The following PRKCB variants were observed in gnomAD, a reference collection of about 807,000 sequenced individuals.
PRKCB encodes the protein protein kinase C beta, also known as protein kinase C beta type.
A neutral mutation model predicts 81.5 loss-of-function variants in PRKCB; 13 were observed. That is an observed-to-expected ratio of 0.16 (90% CI 0.10 to 0.25). PRKCB has a LOEUF of 0.25. Ranked by LOEUF, PRKCB falls within the 10% of genes least tolerant of loss-of-function variation. The pLI is 1.00. For missense variants in PRKCB, 509 were observed against 875.7 expected (o/e 0.58, Z 5.29); for synonymous variants, 335 against 321.4 (o/e 1.04, Z -0.45).
intron 2 of PRKCB, among the ~76,000 whole-genome samples, chr16:23,919,287 A>G (rs1963788637): frequency 6.6e-6 from 1 of 152,102 alleles, no homozygotes; most frequent in Non-Finnish European, 1.5e-5. Flanking sequence ...TCCAAAACCA[A>G]ATCAAATTAT....
intron 9 of PRKCB, among the ~76,000 whole-genome samples, chr16:24,132,301 G>A (rs1016786155): frequency 6.6e-6 from 1 of 152,166 alleles, no homozygotes; most frequent in Non-Finnish European, 1.5e-5. Flanking sequence ...GAGGGGAAGG[G>A]AACTGGAAAT....
At chr16:23,985,348 C>T (rs1042748029) in intron 2 of PRKCB, among the ~76,000 whole-genome samples, 1 of 152,162 alleles carries the variant, frequency 6.6e-6, no homozygotes, top group Non-Finnish European at 1.5e-5. Context: ...CTGCCTGCCT[C>T]AGTCTCCCAA....
intron 1 of PRKCB, 142 bp downstream of exon 1, chr16:23,836,490 C>A: frequency 7.7e-7 from 1 of 1,297,714 alleles, no homozygotes. Context: ...CCGGACCCTG[C>A]TGCCCGGGAC....
At chr16:24,030,274 C>G (rs1450322799) in intron 3 of PRKCB, among the ~76,000 whole-genome samples, 2 of 152,256 alleles carry the variant, frequency 1.3e-5, no homozygotes, top group Middle Eastern at 6.8e-3. Context: ...AGGAAAGAAT[C>G]TCTTGAAGAA....
At chr16:24,120,488 G>T (rs1966787559) in intron 8 of PRKCB, among the ~76,000 whole-genome samples, 1 of 152,092 alleles carries the variant, frequency 6.6e-6, no homozygotes, top group African/African-American at 2.4e-5. Flanking sequence ...ATCTCAACAT[G>T]CCTGAAATCA....
Position 24,175,445 on chromosome 16 carries a change from G to A in PRKCB, c.1394+865G>A, listed in dbSNP as rs76091868. ...AAAACAGATGAAACCCCTTGCCCCCGTGGAGTTTATCTTTCTCATGGTGGG... is the reference window on the plus strand; with the variant it reads ...AAAACAGATGAAACCCCTTGCCCCCATGGAGTTTATCTTTCTCATGGTGGG... On this transcript the variant is annotated intron_variant, in intron 12 of 16. Coordinates refer to ENST00000643927, the MANE Select transcript of PRKCB (RefSeq NM_002738.7). Among the ~76,000 whole-genome samples, 1,396 of 151,994 alleles carry A rather than the reference G, an allele frequency of 9.2e-3. 14 individuals carry two copies. The highest frequency in any genetic ancestry group is 0.031 in the African/African-American group (1,291 of 41,426).
chr16:23,862,152 C>T (rs958907660), intron 2 of PRKCB, among the ~76,000 whole-genome samples: 4 of 152,166 alleles, frequency 2.6e-5, no homozygotes, highest in Admixed American at 6.6e-5. Flanking sequence ...TGGATTCATT[C>T]GTATTTCTCT....
intron 2 of PRKCB, among the ~76,000 whole-genome samples, chr16:23,932,448 A>G (rs1963992455): frequency 6.6e-6 from 1 of 152,190 alleles, no homozygotes; most frequent in Non-Finnish European, 1.5e-5. Context: ...AAAAGGCCCC[A>G]AGGTGTAGTC....
chr16:24,206,492 A>G (rs749185567), intron 16 of PRKCB, among the ~76,000 whole-genome samples: 1 of 152,148 alleles, frequency 6.6e-6, no homozygotes, highest in Non-Finnish European at 1.5e-5. Context: ...TCATGTTATC[A>G]AAGTCGGCTA....
intron 9 of PRKCB, among the ~76,000 whole-genome samples, chr16:24,128,209 T>C (rs1966847852): frequency 1.3e-5 from 2 of 152,174 alleles, no homozygotes; most frequent in Non-Finnish European, 2.9e-5. Context: ...ACCCTGTCTC[T>C]ACTAAAAATA....
intron 5 of PRKCB, among the ~76,000 whole-genome samples, chr16:24,065,151 G>A (rs1966016857): frequency 1.3e-5 from 2 of 150,470 alleles, no homozygotes; most frequent in African/African-American, 4.9e-5. Context: ...TTTTAATACA[G>A]TCTGACAATA....
At chr16:24,071,470 AG>A (rs1966107528) in intron 5 of PRKCB, among the ~76,000 whole-genome samples, 1 of 149,792 alleles carries the variant, frequency 6.7e-6, no homozygotes, top group East Asian at 2.0e-4. Context: ...AAAGACAAAC[AG>A]GACTGGGGAA....
intron 15 of PRKCB, 46 bp from the exon 16 acceptor site, chr16:24,191,044 C>T (rs755743987): frequency 6.3e-7 from 1 of 1,590,756 alleles, no homozygotes; most frequent in Non-Finnish European, 8.6e-7. Context: ...TCTTACATTT[C>T]CTCTTCTGAA....
In PRKCB at chr16:24,135,699, A is replaced by C. The variant is rs545660210; in HGVS notation, c.1065+11718A>C. Among the ~76,000 whole-genome samples the C allele has an allele frequency of 2.6e-5, 4 of 152,302 alleles. No individual in the cohort carries two copies. The South Asian group carries it at 8.3e-4, about 32-fold the overall frequency. ...AGGAGATTAAAAGGCAGCTTAGTTC[A>C]TGCCAGGAACAAAGGCCTTCTCTAA... On this transcript the variant is annotated intron_variant, in intron 9 of 16. Coordinates refer to ENST00000643927, the MANE Select transcript of PRKCB (RefSeq NM_002738.7).
chr16:24,113,807 G>C (rs991597835), intron 8 of PRKCB, among the ~76,000 whole-genome samples: 6 of 152,074 alleles, frequency 3.9e-5, no homozygotes, highest in African/African-American at 1.2e-4. Context: ...GCCTTATGAA[G>C]TTATTCCTGC....
intron 8 of PRKCB, among the ~76,000 whole-genome samples, chr16:24,115,509 G>A (rs1966727498): frequency 1.3e-5 from 2 of 150,924 alleles, no homozygotes; most frequent in Non-Finnish European, 2.9e-5. Flanking sequence ...AAGGATTTTA[G>A]CATTTATCCC....
chr16:24,073,179 C>T (rs1283691181), intron 5 of PRKCB, among the ~76,000 whole-genome samples: 1 of 152,172 alleles, frequency 6.6e-6, no homozygotes, highest in Non-Finnish European at 1.5e-5. Flanking sequence ...TGGCTGTCTC[C>T]AATCTGATGG....
At chr16:24,042,360 G>A (rs904218791) in intron 5 of PRKCB, among the ~76,000 whole-genome samples, 12 of 139,766 alleles carry the variant, frequency 8.6e-5, no homozygotes, top group Non-Finnish European at 1.5e-4. Context: ...TCCAGAGAAA[G>A]GTTACTTCTT....
chr16:23,901,521 G>C (rs559070277), intron 2 of PRKCB, among the ~76,000 whole-genome samples: 3 of 152,158 alleles, frequency 2.0e-5, no homozygotes, highest in Non-Finnish European at 2.9e-5. Context: ...GAGGGAATTC[G>C]AAGAGGAGGA....
Sources: allele counts gnomAD v4.1 joint callset (sites outside exome capture counted in the v4.1 genomes callset), GRCh38; gene constraint gnomAD v4.1.1; transcripts MANE v1.5; gene names NCBI Gene and HGNC (gene_info 2026-07-23, HGNC 2026-07-21).